DHRSX: variants seen among roughly 807,000 people sequenced by gnomAD.
DHRSX encodes dehydrogenase/reductase X-linked.
DHRSX carries 31 observed loss-of-function variants against 34.0 expected under a neutral mutation model. That is an observed-to-expected ratio of 0.91 (90% CI 0.69 to 1.23). DHRSX has a LOEUF of 1.23. DHRSX is among the 50% of genes most tolerant of loss of function. The probability of loss-of-function intolerance (pLI) is 0.00; values close to 1 mark genes in which losing one functional copy is unlikely to be tolerated. For synonymous variants in DHRSX, 201 were observed against 183.8 expected, an observed-to-expected ratio of 1.09 and a Z score of -0.76; for missense variants, 414 against 428.1, an observed-to-expected ratio of 0.97 and a Z score of 0.29.
chrX:2,353,505 C>T (rs2042812124), intron 3 of DHRSX, among the ~76,000 whole-genome samples: 2 of 151,930 alleles, frequency 1.3e-5, no homozygotes, highest in South Asian at 4.1e-4. Context: ...ACTAAGAAGT[C>T]ATTCATCTTT....
At chrX:2,356,715 T>G (rs56050919) in intron 3 of DHRSX, among the ~76,000 whole-genome samples, 32,184 of 152,126 alleles carry the variant, frequency 0.21, 4,196 homozygotes, top group Non-Finnish European at 0.31. Flanking sequence ...GTGAAGATGA[T>G]GAGGATGAAG....
chrX:2,241,259 G>A (rs1283618911), intron 6 of DHRSX, among the ~76,000 whole-genome samples: 5 of 152,130 alleles, frequency 3.3e-5, no homozygotes, highest in Admixed American at 6.6e-5. Context: ...AATGCATCAC[G>A]ACAACGAAGA....
intron 4 of DHRSX, among the ~76,000 whole-genome samples, chrX:2,272,135 CA>C (rs969371913): frequency 6.6e-6 from 1 of 150,594 alleles, no homozygotes; most frequent in Non-Finnish European, 1.5e-5. Context: ...GTCTCAAAAA[CA>C]AAAAAAAACC....
At chrX:2,373,003 C>T (rs1380030851) in intron 3 of DHRSX, among the ~76,000 whole-genome samples, 10 of 152,088 alleles carry the variant, frequency 6.6e-5, no homozygotes, top group Non-Finnish European at 1.3e-4. Context: ...ATACCCGAGA[C>T]GGGGTAATTT....
intron 1 of DHRSX, among the ~76,000 whole-genome samples, chrX:2,446,123 G>T (rs1339160423): frequency 6.0e-5 from 9 of 149,864 alleles, no homozygotes; most frequent in Admixed American, 1.3e-4. Flanking sequence ...CACTGAAGAC[G>T]TTCCAGAAGT....
intron 5 of DHRSX, among the ~76,000 whole-genome samples, chrX:2,253,916 C>T (rs2016500329): frequency 6.6e-6 from 1 of 152,068 alleles, no homozygotes; most frequent in Admixed American, 6.6e-5. Context: ...AAAAAATTAG[C>T]CGGGTGTGGT....
intron 3 of DHRSX, among the ~76,000 whole-genome samples, chrX:2,370,629 A>C (rs1217450882): frequency 6.7e-6 from 1 of 148,802 alleles, no homozygotes; most frequent in Admixed American, 6.7e-5. Context: ...CATTACTCAC[A>C]GATGCTTCCA....
intron 5 of DHRSX, among the ~76,000 whole-genome samples, chrX:2,255,173 C>T (rs1444981373): frequency 6.6e-6 from 1 of 152,038 alleles, no homozygotes; most frequent in Admixed American, 6.6e-5. Flanking sequence ...CCACATTGGC[C>T]TGGATGGTGT....
chrX:2,421,416 A>C (rs1167205395), intron 2 of DHRSX, among the ~76,000 whole-genome samples: 10 of 152,108 alleles, frequency 6.6e-5, no homozygotes, highest in Admixed American at 1.3e-4. Context: ...TGACATAGAA[A>C]AATTTCAAGT....
intron 1 of DHRSX, among the ~76,000 whole-genome samples, chrX:2,469,102 A>C (rs1023332717): frequency 2.0e-5 from 3 of 151,526 alleles, no homozygotes; most frequent in Non-Finnish European, 4.4e-5. Flanking sequence ...GACCACTGCC[A>C]TGTACACACT....
At chrX:2,343,411 T>A (rs1417405737) in intron 3 of DHRSX, among the ~76,000 whole-genome samples, 1 of 152,228 alleles carries the variant, frequency 6.6e-6, no homozygotes, top group Non-Finnish European at 1.5e-5. Flanking sequence ...CCATGTTACA[T>A]TTCATTCAAA....
At chrX:2,337,672 C>T (rs35969025) in intron 3 of DHRSX, among the ~76,000 whole-genome samples, 34,983 of 151,782 alleles carry the variant, frequency 0.23, 5,075 homozygotes, top group Non-Finnish European at 0.33. Context: ...CACCTGGAGA[C>T]GGGAAAGTAG....
At chrX:2,389,192 T>C (rs2043306583) in intron 3 of DHRSX, among the ~76,000 whole-genome samples, 1 of 152,094 alleles carries the variant, frequency 6.6e-6, no homozygotes, top group South Asian at 2.1e-4. Context: ...TACCGGGACA[T>C]AGGGTAACCA....
intron 3 of DHRSX, among the ~76,000 whole-genome samples, chrX:2,308,290 C>T (rs2042124125): frequency 6.6e-6 from 1 of 152,026 alleles, no homozygotes; most frequent in African/African-American, 2.4e-5. Context: ...TGGCCTCCTA[C>T]ACTCAGAGCC....
At chrX:2,448,737 G>C (rs755745106) in intron 1 of DHRSX, among the ~76,000 whole-genome samples, 7 of 152,214 alleles carry the variant, frequency 4.6e-5, no homozygotes, top group Non-Finnish European at 1.0e-4. Flanking sequence ...CTATAAAAAT[G>C]ACTCGCATTT....
chrX:2,462,075 A>G (rs2044409583), intron 1 of DHRSX, among the ~76,000 whole-genome samples: 1 of 152,156 alleles, frequency 6.6e-6, no homozygotes, highest in Admixed American at 6.6e-5. Flanking sequence ...TTACTGAATT[A>G]CAGTGACAAA....
intron 3 of DHRSX, among the ~76,000 whole-genome samples, chrX:2,348,531 A>C (rs1453560694): frequency 6.6e-6 from 1 of 152,166 alleles, no homozygotes; most frequent in African/African-American, 2.4e-5. Flanking sequence ...GGCAGGGGAA[A>C]GACCTCCCAG....
chrX:2,303,781 ATGGATGGATGGGTGGGTGGG>A (rs2042046080), intron 3 of DHRSX, among the ~76,000 whole-genome samples: 1 of 50,842 alleles, frequency 2.0e-5, no homozygotes, highest in Non-Finnish European at 3.9e-5. Flanking sequence ...AAATGGATGG[ATGGATGGATGGGTGGGTGGG>A]TGGGTGGATG....
chrX:2,308,670 A>C (rs1415876995), intron 3 of DHRSX, among the ~76,000 whole-genome samples: 1 of 152,138 alleles, frequency 6.6e-6, no homozygotes, highest in East Asian at 1.9e-4. Context: ...TTTTCTTCAG[A>C]ATAACACAAT....
Sources: gnomAD v4.1 joint callset for allele counts (sites outside exome capture counted in the v4.1 genomes callset) on GRCh38, gnomAD v4.1.1 for gene constraint, MANE v1.5 for transcripts, NCBI Gene and HGNC (gene_info 2026-07-23, HGNC 2026-07-21) for gene names.